The following IFT80 variants were observed in gnomAD, a reference collection of about 807,000 sequenced individuals.
The protein encoded by IFT80 is intraflagellar transport 80, also known as intraflagellar transport protein 80 homolog.
Under a neutral mutation model 107.9 loss-of-function variants are expected in IFT80, and 79 were observed. The observed-to-expected ratio is 0.73, with a 90% CI of 0.61 to 0.88. IFT80 has a LOEUF of 0.88. Ranked by LOEUF, IFT80 falls within the 40% of genes least tolerant of loss-of-function variation. The probability of loss-of-function intolerance (pLI) is 0.00; values close to 1 mark genes in which losing one functional copy is unlikely to be tolerated. For missense variants in IFT80, 797 were observed against 914.2 expected, an observed-to-expected ratio of 0.87 and a Z score of 1.65; for synonymous variants, 299 against 300.9, an observed-to-expected ratio of 0.99 and a Z score of 0.07.
At chr3:160,302,527 CA>C (rs1559927975) in intron 11 of IFT80, among the ~76,000 whole-genome samples, 3 of 151,974 alleles carry the variant, frequency 2.0e-5, no homozygotes, top group Non-Finnish European at 4.4e-5. Context: ...TTTGAAGGGG[CA>C]AACATCTCTA....
At chr3:160,272,825 A>G (rs1713922886) in intron 18 of IFT80, among the ~76,000 whole-genome samples, 1 of 152,198 alleles carries the variant, frequency 6.6e-6, no homozygotes, top group Admixed American at 6.5e-5. Context: ...ACAAATTCAA[A>G]TTGTTAGATA....
In IFT80 at chr3:160,288,515, T is replaced by C. The variant is rs575204583; in HGVS notation, c.1316-2647A>G. On this transcript the variant is annotated intron_variant, in intron 12 of 19. Transcript: ENST00000326448. ...GAATCTAATTAAACTTAAGACCTTC[T>C]GCACAGCAAAATAAACTATCAACAG... Among the ~76,000 whole-genome samples, 229 of 152,268 alleles carry C rather than the reference T, an allele frequency of 1.5e-3. 2 individuals carry two copies. Among genetic ancestry groups the C allele is most frequent in the Non-Finnish European group, 2.6e-3 (174 of 68,006 alleles).
intron 8 of IFT80, among the ~76,000 whole-genome samples, chr3:160,320,559 A>C (rs908329428): frequency 4.0e-5 from 6 of 151,892 alleles, no homozygotes; most frequent in Non-Finnish European, 7.4e-5. Context: ...TGTGTCTATA[A>C]ATAAGACATA....
intron 9 of IFT80, among the ~76,000 whole-genome samples, chr3:160,317,563 C>A (rs1383090166): frequency 6.6e-6 from 1 of 151,884 alleles, no homozygotes; most frequent in Non-Finnish European, 1.5e-5. Context: ...ATATTATACC[C>A]CAATTAGTTG....
At chr3:160,397,716 CTTTT>C (rs545413654) in intron 1 of IFT80, among the ~76,000 whole-genome samples, 5 of 96,578 alleles carry the variant, frequency 5.2e-5, no homozygotes, top group Non-Finnish European at 8.0e-5. Flanking sequence ...TTGGTCTATA[CTTTT>C]TTTTTTTTTT....
chr3:160,386,661 C>T (rs1470579409), intron 1 of IFT80, among the ~76,000 whole-genome samples: 2 of 152,182 alleles, frequency 1.3e-5, no homozygotes, highest in Non-Finnish European at 2.9e-5. Flanking sequence ...CTCAGCACCT[C>T]CATCATAATC....
At chr3:160,279,485 C>A in intron 15 of IFT80, 121 bp from the exon 16 acceptor site, 2 of 782,852 alleles carry the variant, frequency 2.6e-6, no homozygotes, top group Non-Finnish European at 4.4e-6. Context: ...CCAAAAGGCA[C>A]ACCCCCAAAG....
In IFT80 at chr3:160,350,569, C is replaced by A. The variant is rs567574118; in HGVS notation, c.777+5444G>T. On this transcript the variant is annotated intron_variant, in intron 8 of 19. Coordinates refer to ENST00000326448, the MANE Select transcript of IFT80 (RefSeq NM_020800.3). ...CGGTGGCTCATGCCTGTAATCTCAG[C>A]ACTTCGGGAGGCCGAGGCAGGTGGA... 1.2e-4 allele frequency among the ~76,000 whole-genome samples: 18 copies of A among 152,280 alleles called. No individual in the cohort carries two copies. In the South Asian group the frequency reaches 3.5e-3, roughly 30 times the overall value.
Position 160,258,522 on chromosome 3 carries a change from C to A in IFT80, c.*3G>T. Reference sequence around the variant, plus strand: ...TAAAATTTCTTAAAGATACGCATGGCATTTAGGGCTTTAAACCTATACTCT... The same window carrying A: ...TAAAATTTCTTAAAGATACGCATGGAATTTAGGGCTTTAAACCTATACTCT... On this transcript the variant is annotated 3_prime_UTR_variant, in exon 20 of 20. Coordinates refer to ENST00000326448, the MANE Select transcript of IFT80 (RefSeq NM_020800.3). The A allele has an allele frequency of 6.2e-7, 1 of 1,613,552 alleles. No individual in the cohort carries two copies. The highest frequency in any genetic ancestry group is 1.7e-4 in the Middle Eastern group (1 of 6,048).
At chr3:160,281,875 T>C (rs1294611146) in intron 14 of IFT80, among the ~76,000 whole-genome samples, 2 of 152,188 alleles carry the variant, frequency 1.3e-5, no homozygotes, top group Non-Finnish European at 2.9e-5. Context: ...CCCAGAAGCA[T>C]GCCAAAGTAT....
At chr3:160,334,587 T>C (rs1385792672) in intron 8 of IFT80, among the ~76,000 whole-genome samples, 1 of 152,148 alleles carries the variant, frequency 6.6e-6, no homozygotes, top group Non-Finnish European at 1.5e-5. Context: ...CAGCTAATTT[T>C]TGTATTTTTA....
intron 1 of IFT80, among the ~76,000 whole-genome samples, chr3:160,387,512 A>G (rs928903605): frequency 6.6e-6 from 1 of 152,196 alleles, no homozygotes; most frequent in Non-Finnish European, 1.5e-5. Flanking sequence ...TCAAAAAACA[A>G]AAAAGAAAAA....
intron 12 of IFT80, among the ~76,000 whole-genome samples, chr3:160,293,359 C>T (rs141458022): frequency 1.4e-4 from 22 of 152,278 alleles, no homozygotes; most frequent in East Asian, 1.3e-3. Flanking sequence ...TCTAGTAATG[C>T]GCTAGTGTCT....
intron 3 of IFT80, among the ~76,000 whole-genome samples, chr3:160,379,796 T>C (rs1166914571): frequency 6.6e-6 from 1 of 152,166 alleles, no homozygotes; most frequent in African/African-American, 2.4e-5. Flanking sequence ...ATCTTCTAAG[T>C]GCCAGGCACT....
At chr3:160,269,441 T>C (rs1269223119) in intron 18 of IFT80, among the ~76,000 whole-genome samples, 2 of 152,174 alleles carry the variant, frequency 1.3e-5, no homozygotes, top group Admixed American at 1.3e-4. Context: ...AAATGCCTTT[T>C]GCCATCTGAG....
chr3:160,291,347 A>G (rs570723309), intron 12 of IFT80, among the ~76,000 whole-genome samples: 17 of 152,376 alleles, frequency 1.1e-4, no homozygotes, highest in African/African-American at 3.4e-4. Flanking sequence ...TGCCCAGAAG[A>G]GTTTCATAAT....
intron 8 of IFT80, among the ~76,000 whole-genome samples, chr3:160,333,863 A>G (rs944457384): frequency 2.6e-5 from 4 of 152,188 alleles, no homozygotes; most frequent in African/African-American, 4.8e-5. Flanking sequence ...ATCTATTATC[A>G]CTATCAAGAA....
intron 9 of IFT80, among the ~76,000 whole-genome samples, chr3:160,313,369 TA>T (rs1364494406): frequency 6.6e-6 from 1 of 151,568 alleles, no homozygotes; most frequent in Non-Finnish European, 1.5e-5. Context: ...ATTCAACATT[TA>T]AAAATACAAT....
intron 9 of IFT80, among the ~76,000 whole-genome samples, chr3:160,319,396 C>T (rs1718043106): frequency 6.6e-6 from 1 of 151,976 alleles, no homozygotes; most frequent in Non-Finnish European, 1.5e-5. Flanking sequence ...ACAATTAACC[C>T]TGTCAGTAAC....
Sources: gnomAD v4.1 joint callset for allele counts (sites outside exome capture counted in the v4.1 genomes callset) on GRCh38, gnomAD v4.1.1 for gene constraint, MANE v1.5 for transcripts, NCBI Gene and HGNC (gene_info 2026-07-23, HGNC 2026-07-21) for gene names.